DLG2: variants seen among roughly 807,000 people sequenced by gnomAD.
The protein encoded by DLG2 is disks large homolog 2.
A neutral mutation model predicts 132.5 loss-of-function variants in DLG2; 45 were observed. The observed-to-expected ratio is 0.34, with a 90% confidence interval of 0.27 to 0.44. The LOEUF is 0.44. Ranked by LOEUF, DLG2 falls within the 20% of genes least tolerant of loss-of-function variation. The probability of loss-of-function intolerance (pLI) is 1.00; values close to 1 mark genes in which losing one functional copy is unlikely to be tolerated. For missense variants in DLG2, 1,045 were observed against 1,196.9 expected, an observed-to-expected ratio of 0.87 and a Z score of 1.87; for synonymous variants, 424 against 419.6, an observed-to-expected ratio of 1.01 and a Z score of -0.13.
chr11:84,447,966 T>C (rs1438776583), intron 7 of DLG2, among the ~76,000 whole-genome samples: 1 of 152,064 alleles, frequency 6.6e-6, no homozygotes, highest in Non-Finnish European at 1.5e-5. Flanking sequence ...TAATGGAACA[T>C]TAGAACTTTG....
At chr11:84,884,094 A>C (rs901504950) in intron 6 of DLG2, among the ~76,000 whole-genome samples, 2 of 152,120 alleles carry the variant, frequency 1.3e-5, no homozygotes, top group Non-Finnish European at 2.9e-5. Context: ...CATATAAATT[A>C]AAGAGTGTTT....
At chr11:85,392,726 C>A (rs1175675132) in intron 3 of DLG2, among the ~76,000 whole-genome samples, 4 of 152,076 alleles carry the variant, frequency 2.6e-5, no homozygotes, top group Admixed American at 6.6e-5. Flanking sequence ...GGGAAAAGGA[C>A]ACCCTATTCA....
chr11:84,966,243 T>C (rs1288994355), intron 6 of DLG2, among the ~76,000 whole-genome samples: 1 of 152,042 alleles, frequency 6.6e-6, no homozygotes, highest in East Asian at 1.9e-4. Context: ...TATATCTATA[T>C]CACAGTGTGT....
At chr11:83,996,277 A>G (rs1298513134) in intron 11 of DLG2, among the ~76,000 whole-genome samples, 4 of 152,188 alleles carry the variant, frequency 2.6e-5, no homozygotes, top group Non-Finnish European at 4.4e-5. Context: ...ATGAAATATC[A>G]TCTCACCCCA....
At chr11:84,126,590 G>A (rs1204914110) in intron 9 of DLG2, among the ~76,000 whole-genome samples, 1 of 151,978 alleles carries the variant, frequency 6.6e-6, no homozygotes, top group African/African-American at 2.4e-5. Context: ...AAACAGAGGT[G>A]TATATATATC....
At chr11:85,270,747 G>A (rs533777790) in intron 4 of DLG2, among the ~76,000 whole-genome samples, 1 of 152,340 alleles carries the variant, frequency 6.6e-6, no homozygotes, top group South Asian at 2.1e-4. Context: ...GTTTAGCAAA[G>A]AGACTGGCAG....
intron 8 of DLG2, among the ~76,000 whole-genome samples, chr11:84,249,112 G>A (rs1396258049): frequency 2.6e-5 from 4 of 152,162 alleles, no homozygotes; most frequent in Non-Finnish European, 4.4e-5. Flanking sequence ...CCTAATAGGA[G>A]GCTTTGAAAT....
At chr11:85,383,353 T>G (rs1183988369) in intron 3 of DLG2, among the ~76,000 whole-genome samples, 1 of 152,144 alleles carries the variant, frequency 6.6e-6, no homozygotes, top group Non-Finnish European at 1.5e-5. Flanking sequence ...CTGAGGATCC[T>G]CGGGGGTGAT....
intron 5 of DLG2, among the ~76,000 whole-genome samples, chr11:85,136,787 T>C (rs11820845): frequency 0.033 from 5,101 of 152,272 alleles, 305 homozygotes; most frequent in African/African-American, 0.11. Flanking sequence ...GTGTCTATTC[T>C]AGAATCTAAG....
chr11:83,589,262 G>A (rs1191129902), intron 19 of DLG2, among the ~76,000 whole-genome samples: 2 of 151,286 alleles, frequency 1.3e-5, no homozygotes, highest in African/African-American at 4.9e-5. Context: ...TACCCTCAAA[G>A]GGAAGCCCAT....
chr11:83,738,537 T>A lies in DLG2; in HGVS notation c.1825+48153A>T, dbSNP rs534943606. Among the ~76,000 whole-genome samples, 16 of 152,196 alleles carry A rather than the reference T, an allele frequency of 1.1e-4. No individual in the cohort carries two copies. In the East Asian group the frequency reaches 2.7e-3, roughly 26 times the overall value. ...AGCTTCGAAATAATTTGAATTTAGT[T>A]CCAATTTCCTCTGCCTCAAAACAGC... On this transcript the variant is annotated intron_variant, in intron 18 of 27. Transcript: ENST00000376104.
chr11:84,672,501 A>G (rs2099706969), intron 6 of DLG2, among the ~76,000 whole-genome samples: 1 of 152,192 alleles, frequency 6.6e-6, no homozygotes. Context: ...TCAGCCTTAC[A>G]ATAAGTTTAA....
chr11:84,150,067 T>C (rs1310965371), intron 9 of DLG2, among the ~76,000 whole-genome samples: 1 of 152,200 alleles, frequency 6.6e-6, no homozygotes, highest in African/African-American at 2.4e-5. Context: ...CATATGGATT[T>C]TAGATTAGTA....
At chr11:84,395,012 T>A (rs974759404) in intron 7 of DLG2, among the ~76,000 whole-genome samples, 1 of 152,204 alleles carries the variant, frequency 6.6e-6, no homozygotes, top group Non-Finnish European at 1.5e-5. Flanking sequence ...CCTAGCTCAA[T>A]GTCCTCTCAC....
rs183018366 is a variant in DLG2 at position 83,789,570 on chromosome 11, C to T, written c.1723-2778G>A. Among the ~76,000 whole-genome samples the T allele has an allele frequency of 6.7e-5, 10 of 149,518 alleles. No individual in the cohort carries two copies. In the East Asian group the frequency reaches 7.8e-4, roughly 12 times the overall value. On this transcript the variant is annotated intron_variant, in intron 17 of 27. Coordinates refer to ENST00000376104, the MANE Select transcript of DLG2 (RefSeq NM_001142699.3). ...GATGACTTTTTTTTTTTTTTTGAGA[C>T]GAAGTCTCGCTCTGTTGCCCAGCCT...
chr11:83,930,516 T>A, intron 14 of DLG2, 33 bp from the exon 15 acceptor site: 2 of 1,607,068 alleles, frequency 1.2e-6, no homozygotes, highest in Non-Finnish European at 1.7e-6. Flanking sequence ...AAGATATGCA[T>A]GGTTAGTACA....
intron 9 of DLG2, among the ~76,000 whole-genome samples, chr11:84,161,752 C>T (rs1334368990): frequency 6.6e-6 from 1 of 152,126 alleles, no homozygotes; most frequent in South Asian, 2.1e-4. Context: ...GCATTGAGTC[C>T]TGTGTTTAGA....
At chr11:85,273,032 G>T (rs1181679837) in intron 4 of DLG2, among the ~76,000 whole-genome samples, 3 of 152,144 alleles carry the variant, frequency 2.0e-5, no homozygotes, top group Admixed American at 6.5e-5. Context: ...AAATGGTGCT[G>T]GGAAAACTGG....
intron 3 of DLG2, among the ~76,000 whole-genome samples, chr11:85,551,964 T>C (rs2076688951): frequency 1.3e-5 from 2 of 151,304 alleles, no homozygotes; most frequent in Admixed American, 1.3e-4. Context: ...GAGTATCAGG[T>C]CCAAATATAT....
Sources: allele counts gnomAD v4.1 joint callset (sites outside exome capture counted in the v4.1 genomes callset), GRCh38; gene constraint gnomAD v4.1.1; transcripts MANE v1.5; gene names NCBI Gene and HGNC (gene_info 2026-07-23, HGNC 2026-07-21).